The following FUNDC2 variants were observed in gnomAD, a reference collection of about 807,000 sequenced individuals.
FUNDC2 encodes FUN14 domain-containing protein 2.
FUNDC2 carries 4 observed loss-of-function variants against 15.6 expected under a neutral mutation model. The ratio of observed to expected loss-of-function variants is 0.26; its 90% CI spans 0.13 to 0.59. The LOEUF (loss-of-function observed/expected upper bound fraction) is 0.59. FUNDC2 is among the 20% of genes least tolerant of loss of function. The probability of loss-of-function intolerance (pLI) is 0.90; values close to 1 mark genes in which losing one functional copy is unlikely to be tolerated. For missense variants in FUNDC2, 98 were observed against 149.7 expected, an observed-to-expected ratio of 0.65 and a Z score of 1.80; for synonymous variants, 44 against 56.9, an observed-to-expected ratio of 0.77 and a Z score of 1.02.
rs1283453575 is a variant in FUNDC2, at chrX:155,027,234, C to T, written c.133+163C>T. The T allele has an allele frequency of 1.7e-5, 9 of 516,062 alleles. No homozygotes were observed. In the African/African-American group the frequency reaches 2.0e-4, roughly 12 times the overall value. The allele number at this position is 516,062 out of a possible 1,213,427, so 42.5% of individuals were successfully genotyped here. On this transcript the variant is annotated intron_variant, in intron 1 of 4. Coordinates refer to ENST00000369498, the MANE Select transcript of FUNDC2 (RefSeq NM_023934.4). ...GGGGATCGCCCCTGGCTCAGCCGCT[C>T]CCAGGGTCCGGCCAAGGTCACGCGC...
Position 155,026,872 on chromosome X carries a change from G to A in FUNDC2, c.-67G>A. 1 of 1,152,811 alleles carries A rather than the reference G, an allele frequency of 8.7e-7. No homozygotes were observed. Among genetic ancestry groups the A allele is most frequent in the Non-Finnish European group, 1.2e-6 (1 of 867,256 alleles). On this transcript the variant is annotated 5_prime_UTR_variant, in exon 1 of 5. The change abolishes the stop of an existing upstream ORF in the 5' untranslated region. Transcript: ENST00000369498. ...ACCGCACGCTGAGCTCTGTGATGTA[G>A]CCGCTTGCGGAGACTGCAAGCAGCC...
rs2073902896 is a variant in FUNDC2, at chrX:155,056,972, T to C, written c.*2300T>C. On this transcript the variant is annotated 3_prime_UTR_variant, in exon 5 of 5. Transcript: ENST00000369498. ...TGTAGGTAGGTCCCTCCTGAAGTTT[T>C]TTCCCAGCTGGCTGCCTCTACGACT... The C allele has an allele frequency of 9.0e-6, 1 of 110,912 alleles. No individual in the cohort carries two copies. Among genetic ancestry groups the C allele is most frequent in the South Asian group, 3.8e-4 (1 of 2,640 alleles). 9.1% of individuals were successfully genotyped at this position (110,912 alleles called of 1,213,427 possible). A position where few individuals can be genotyped will look rare whatever the true frequency, so the allele number is the denominator to read the frequency against.
Position 155,056,099 on chromosome X carries a change from G to A in FUNDC2, c.*1427G>A, listed in dbSNP as rs1409084528. 1.8e-5 allele frequency: 2 copies of A among 111,440 alleles called. No individual in the cohort carries two copies. Among genetic ancestry groups the A allele is most frequent in the Non-Finnish European group, 3.8e-5 (2 of 53,073 alleles). The allele number at this position is 111,440 out of a possible 1,213,427, so 9.2% of individuals were successfully genotyped here. A position where few individuals can be genotyped will look rare whatever the true frequency, so the allele number is the denominator to read the frequency against. ...TCATCTCAAAACCATAATGGTATGA[G>A]CCTCTTTGCTGCATATTTTGCTATA... On this transcript the variant is annotated 3_prime_UTR_variant, in exon 5 of 5. Coordinates refer to ENST00000369498, the MANE Select transcript of FUNDC2 (RefSeq NM_023934.4).
At chrX:155,047,137 A>G (rs1557290097) in intron 3 of FUNDC2, 2 of 235,814 alleles carry the variant, frequency 8.5e-6, no homozygotes, top group Non-Finnish European at 1.6e-5. Context: ...CTGACATTTG[A>G]TTGTATTAGG....
At position 155,057,350 on chromosome X, in the gene FUNDC2, C is replaced by A. The variant is rs111837982; in HGVS notation, c.*2678C>A. 2,392 of 111,359 alleles carry A rather than the reference C, an allele frequency of 0.021. 30 individuals are homozygous for A. Among genetic ancestry groups the A allele is most frequent in the Middle Eastern group, 0.037 (8 of 218 alleles). The allele number at this position is 111,359 out of a possible 1,213,427, so 9.2% of individuals were successfully genotyped here. A position where few individuals can be genotyped will look rare whatever the true frequency, so the allele number is the denominator to read the frequency against. ...GGCAGCTCCACCTTTCAGTGCACTA[C>A]TTTCATTTGACTGGAGAGGCCTGCT... On this transcript the variant is annotated 3_prime_UTR_variant, in exon 5 of 5. Coordinates refer to ENST00000369498, the MANE Select transcript of FUNDC2 (RefSeq NM_023934.4).
chrX:155,052,618 G>A (rs1168102672), intron 4 of FUNDC2, among the ~76,000 whole-genome samples: 2 of 110,590 alleles, frequency 1.8e-5, no homozygotes, highest in African/African-American at 3.3e-5. Context: ...CCCTGTGTGC[G>A]CCTCAGGCTT....
rs1479106443 is a variant in FUNDC2 at position 155,057,050 on chromosome X, T to G, written c.*2378T>G. On this transcript the variant is annotated 3_prime_UTR_variant, in exon 5 of 5. Transcript: ENST00000369498. ...GCAGGTTGGCCTCATCCTGCTAGTA[T>G]GAGAACGGCTGTGAGTTCTGCCCAC... is the stretch of plus-strand genomic sequence containing the variant. The G allele has an allele frequency of 1.0e-5, 1 of 96,534 alleles. No individual in the cohort carries two copies. Among genetic ancestry groups the G allele is most frequent in the Non-Finnish European group, 2.2e-5 (1 of 45,247 alleles). The allele number at this position is 96,534 out of a possible 1,213,427, so 8.0% of individuals were successfully genotyped here.
Position 155,055,326 on chromosome X carries a change from G to A in FUNDC2, c.*654G>A, listed in dbSNP as rs1042331900. On this transcript the variant is annotated 3_prime_UTR_variant, in exon 5 of 5. Coordinates refer to ENST00000369498, the MANE Select transcript of FUNDC2 (RefSeq NM_023934.4). ...ATTGTAAAACAAGTGATTTAGGTGG[G>A]AAAGGGAAGATTTTGGATTTTTATT... is the stretch of plus-strand genomic sequence containing the variant. The A allele has an allele frequency of 1.3e-4, 37 of 295,122 alleles. No individual in the cohort carries two copies. The highest frequency in any genetic ancestry group is 2.0e-4 in the Non-Finnish European group (34 of 169,946). The allele number at this position is 295,122 out of a possible 1,213,427, so 24.3% of individuals were successfully genotyped here. A position where few individuals can be genotyped will look rare whatever the true frequency, so the allele number is the denominator to read the frequency against.
intron 1 of FUNDC2, 86 bp downstream of exon 1, chrX:155,027,157 G>A (rs2073795830): frequency 1.0e-6 from 1 of 959,813 alleles, no homozygotes; most frequent in South Asian, 3.0e-5. Context: ...CCCGCCAGTC[G>A]CGACCGAGCT....
chrX:155,051,523 T>C, intron 3 of FUNDC2, 147 bp from the exon 4 acceptor site: 1 of 562,150 alleles, frequency 1.8e-6, no homozygotes, highest in Non-Finnish European at 2.9e-6. Context: ...TGAGTAGATG[T>C]CATCATGATA....
chrX:155,057,196 G>C lies in FUNDC2; in HGVS notation c.*2524G>C, dbSNP rs782417708. Reference sequence around the variant, plus strand: ...ATCGGTGAAGGAGGCTCAGGCATTTGGGGTTACCTGTGAATCAAGGCCCTA... The same window carrying C: ...ATCGGTGAAGGAGGCTCAGGCATTTCGGGTTACCTGTGAATCAAGGCCCTA... On this transcript the variant is annotated 3_prime_UTR_variant, in exon 5 of 5. Coordinates refer to ENST00000369498, the MANE Select transcript of FUNDC2 (RefSeq NM_023934.4). 2.7e-5 allele frequency: 3 copies of C among 111,755 alleles called. No individual in the cohort carries two copies. The highest frequency in any genetic ancestry group is 7.4e-4 in the South Asian group (2 of 2,685). The allele number at this position is 111,755 out of a possible 1,213,427, so 9.2% of individuals were successfully genotyped here. A position where few individuals can be genotyped will look rare whatever the true frequency, so the allele number is the denominator to read the frequency against.
chrX:155,046,518 T>A lies in FUNDC2; in HGVS notation c.294T>A (p.Gly98=), dbSNP rs782154429. 2 of 1,210,418 alleles carry A rather than the reference T, an allele frequency of 1.7e-6. No homozygotes were observed. The highest frequency in any genetic ancestry group is 1.7e-5 in the African/African-American group (1 of 57,709). The change falls in exon 3 of 5, where the codon GGT becomes GGA. Residue 98 remains glycine, a synonymous_variant. Transcript: ENST00000369498. ...FIGGVTGWCT[G]FIFQKVGKLA... ...TGGTTTGTTTTTGTAGGTGCACAGG[T>A]TTCATATTCCAGAAGGTTGGAAAGT...
intron 1 of FUNDC2, among the ~76,000 whole-genome samples, chrX:155,029,203 G>A (rs1221095674): frequency 8.9e-6 from 1 of 111,999 alleles, no homozygotes; most frequent in African/African-American, 3.3e-5. Flanking sequence ...TAGAGTAGCA[G>A]CCTATCTATC....
chrX:155,033,545 C>T lies in FUNDC2; in HGVS notation c.276C>T (p.Val92=). The T allele has an allele frequency of 8.3e-7, 1 of 1,209,046 alleles. No homozygotes were observed. Among genetic ancestry groups the T allele is most frequent in the Non-Finnish European group, 1.1e-6 (1 of 893,391 alleles). ...CAACCCAGCTGTTCATTGGAGGTGT[C>T]ACTGGATGGTAAGTGATGTGAAAGA... ...SVATQLFIGG[V]TGWCTGFIFQ... Residue 92 remains valine, a synonymous_variant, in exon 2 of 5, where the codon GTC becomes GTT. Coordinates refer to ENST00000369498, the MANE Select transcript of FUNDC2 (RefSeq NM_023934.4).
In FUNDC2 at chrX:155,056,807, G is replaced by C. The variant is rs1482537959; in HGVS notation, c.*2135G>C. The C allele has an allele frequency of 1.8e-5, 2 of 111,660 alleles. No homozygotes were observed. Among genetic ancestry groups the C allele is most frequent in the African/African-American group, 6.5e-5 (2 of 30,639 alleles). The allele number at this position is 111,660 out of a possible 1,213,427, so 9.2% of individuals were successfully genotyped here. On this transcript the variant is annotated 3_prime_UTR_variant, in exon 5 of 5. Coordinates refer to ENST00000369498, the MANE Select transcript of FUNDC2 (RefSeq NM_023934.4). ...CCCAATGCCTCTCCAGTGGGGTAGG[G>C]GTTGTCTTTTGGTGCATCTGTTTTT...
Position 155,049,695 on chromosome X carries a change from T to C in FUNDC2, c.361-1975T>C, listed in dbSNP as rs782139535. 5.3e-5 allele frequency: 6 copies of C among 112,549 alleles called. No individual in the cohort carries two copies. In the South Asian group the frequency reaches 2.2e-3, roughly 41 times the overall value. The allele number at this position is 112,549 out of a possible 1,213,427, so 9.3% of individuals were successfully genotyped here. A position where few individuals can be genotyped will look rare whatever the true frequency, so the allele number is the denominator to read the frequency against. ...TTTGGAGAGAACTGGGCATCATTTCTGTGTTGAGTATTCCATTCCATGTAC... is the reference window on the plus strand; with the variant it reads ...TTTGGAGAGAACTGGGCATCATTTCCGTGTTGAGTATTCCATTCCATGTAC... On this transcript the variant is annotated intron_variant, in intron 3 of 4. Coordinates refer to ENST00000369498, the MANE Select transcript of FUNDC2 (RefSeq NM_023934.4).
At chrX:155,050,052 G>A (rs181810423) in intron 3 of FUNDC2, 2 of 111,699 alleles carry the variant, frequency 1.8e-5, no homozygotes, top group East Asian at 5.6e-4. Flanking sequence ...CCTCTTCCTT[G>A]TGAATCAGGA....
rs2124200570 is a variant in FUNDC2, at chrX:155,055,266, A to G, written c.*594A>G. On this transcript the variant is annotated 3_prime_UTR_variant, in exon 5 of 5. Transcript: ENST00000369498. Reference sequence around the variant, plus strand: ...AGGAATGCTTTCTACCGTACAGGATAATGTATCTCATGGCTGTTTCCAAAG... The same window carrying G: ...AGGAATGCTTTCTACCGTACAGGATGATGTATCTCATGGCTGTTTCCAAAG... 1 of 297,622 alleles carries G rather than the reference A, an allele frequency of 3.4e-6. No homozygotes were observed. Among genetic ancestry groups the G allele is most frequent in the East Asian group, 4.7e-5 (1 of 21,062 alleles). The allele number at this position is 297,622 out of a possible 1,213,427, so 24.5% of individuals were successfully genotyped here. A position where few individuals can be genotyped will look rare whatever the true frequency, so the allele number is the denominator to read the frequency against.
At chrX:155,049,348 C>T (rs2073873337) in intron 3 of FUNDC2, 1 of 112,873 alleles carries the variant, frequency 8.9e-6, no homozygotes, top group Admixed American at 9.3e-5. Context: ...GGGACTTCAC[C>T]ACCACCATTA....
Sources: gnomAD v4.1 joint callset for allele counts (sites outside exome capture counted in the v4.1 genomes callset) on GRCh38, gnomAD v4.1.1 for gene constraint, MANE v1.5 for transcripts, NCBI Gene and HGNC (gene_info 2026-07-23, HGNC 2026-07-21) for gene names.